Variants in PKD2L2 observed in about 807,000 individuals in gnomAD.
The protein encoded by PKD2L2 is polycystin-2-like protein 2.
A neutral mutation model predicts 83.9 loss-of-function variants in PKD2L2; 67 were observed. The ratio of observed to expected loss-of-function variants is 0.80; its 90% CI spans 0.66 to 0.98. PKD2L2 has a LOEUF of 0.98. Among genes scored for constraint, PKD2L2 ranks in the 50% least tolerant of loss-of-function variants. The pLI, the probability that PKD2L2 is intolerant of heterozygous loss-of-function variation, is 0.00. For missense variants in PKD2L2, 632 were observed against 717.2 expected, an observed-to-expected ratio of 0.88 and a Z score of 1.36; for synonymous variants, 223 against 237.8, an observed-to-expected ratio of 0.94 and a Z score of 0.57.
chr5:137,890,862 C>T (rs1028404057), intron 2 of PKD2L2, among the ~76,000 whole-genome samples: 1 of 152,120 alleles, frequency 6.6e-6, no homozygotes, highest in Non-Finnish European at 1.5e-5. Flanking sequence ...TTTGGCAGTT[C>T]TGTCTTGAGC....
intron 6 of PKD2L2, among the ~76,000 whole-genome samples, chr5:137,907,209 A>G (rs1757440091): frequency 6.6e-6 from 1 of 152,246 alleles, no homozygotes; most frequent in African/African-American, 2.4e-5. Flanking sequence ...AATATCTTAC[A>G]AAGGACATAA....
rs536822593 is a variant in PKD2L2, at chr5:137,902,519, T to C, written c.746+2782T>C. 2.0e-5 allele frequency among the ~76,000 whole-genome samples: 3 copies of C among 152,186 alleles called. No homozygotes were observed. In the East Asian group the frequency reaches 5.8e-4, roughly 29 times the overall value. On this transcript the variant is annotated intron_variant, in intron 5 of 14. Coordinates refer to ENST00000508883, the MANE Select transcript of PKD2L2 (RefSeq NM_001300921.2). ...CCCACTTAGTGAACAGTAAACATAT[T>C]TTCTCTTCCCTATGATTTTTTTTTA...
At chr5:137,920,233 T>A (rs970432468) in intron 8 of PKD2L2, among the ~76,000 whole-genome samples, 5 of 152,032 alleles carry the variant, frequency 3.3e-5, no homozygotes, top group African/African-American at 1.2e-4. Flanking sequence ...AATTTCCTCA[T>A]AAAGAACACA....
At chr5:137,941,900 A>T in intron 14 of PKD2L2, 1 of 1,447,520 alleles carries the variant, frequency 6.9e-7, no homozygotes, top group Non-Finnish European at 9.7e-7. Flanking sequence ...TCAGTTTGTG[A>T]GTTAGAGAAG....
intron 12 of PKD2L2, among the ~76,000 whole-genome samples, chr5:137,928,897 A>AT (rs200294942): frequency 5.9e-5 from 9 of 151,852 alleles, no homozygotes; most frequent in Admixed American, 1.3e-4. Flanking sequence ...TTTAAAACAC[A>AT]TTTTTTTTCA....
intron 5 of PKD2L2, among the ~76,000 whole-genome samples, chr5:137,904,838 G>A (rs1360151977): frequency 5.3e-5 from 8 of 152,158 alleles, no homozygotes; most frequent in Non-Finnish European, 1.2e-4. Context: ...AATGGAATAT[G>A]GAATTGGAGT....
intron 4 of PKD2L2, among the ~76,000 whole-genome samples, chr5:137,897,120 G>T (rs34415996): frequency 0.024 from 3,553 of 150,680 alleles, 72 homozygotes; most frequent in Middle Eastern, 0.049. Flanking sequence ...GTTCAGTGAA[G>T]ATCATAGCTC....
At chr5:137,918,130 T>C (rs1238618358) in intron 8 of PKD2L2, among the ~76,000 whole-genome samples, 1 of 152,222 alleles carries the variant, frequency 6.6e-6, no homozygotes, top group Non-Finnish European at 1.5e-5. Context: ...ATCAGATTCT[T>C]CCCCTTGCCC....
At chr5:137,901,980 GAA>G (rs1207198306) in intron 5 of PKD2L2, among the ~76,000 whole-genome samples, 1 of 151,572 alleles carries the variant, frequency 6.6e-6, no homozygotes, top group Non-Finnish European at 1.5e-5. Context: ...AAGAAATCAT[GAA>G]AGAGATGTGG....
At chr5:137,918,728 A>G (rs756975791) in intron 8 of PKD2L2, among the ~76,000 whole-genome samples, 13 of 152,226 alleles carry the variant, frequency 8.5e-5, no homozygotes, top group Admixed American at 3.3e-4. Flanking sequence ...GCCTTCTTCA[A>G]TAGACTCTAG....
chr5:137,902,714 A>G (rs1757066149), intron 5 of PKD2L2, among the ~76,000 whole-genome samples: 1 of 152,114 alleles, frequency 6.6e-6, no homozygotes, highest in Admixed American at 6.6e-5. Flanking sequence ...CATCAATGAC[A>G]TATAATCACA....
chr5:137,906,270 C>T lies in PKD2L2; in HGVS notation c.811C>T (p.Leu271Phe), dbSNP rs767609547. The change falls in exon 6 of 15, where the codon CTC becomes TTC. Residue 271 changes from leucine to phenylalanine, a missense_variant. By Grantham distance (22) the Leu-to-Phe change is conservative. Around this residue, in one of 3 missense-constraint regions of PKD2L2, gnomAD observed 399 missense variants for 416.9 expected, o/e 0.96. Transcript: ENST00000508883. ...LTSWQFYSVK[L>F]LRYVSYYDYF... ...TTCATGGCAGTTTTACTCTGTGAAG[C>T]TCCTCAGATATGTTAGCTACTATGA... The T allele has an allele frequency of 7.4e-6, 12 of 1,612,374 alleles. No individual in the cohort carries two copies. Among genetic ancestry groups the T allele is most frequent in the Admixed American group, 1.7e-5 (1 of 59,970 alleles).
At chr5:137,890,330 C>T (rs1755850556) in intron 1 of PKD2L2, 151 bp from the exon 2 acceptor site, 1 of 564,234 alleles carries the variant, frequency 1.8e-6, no homozygotes, top group Non-Finnish European at 3.1e-6. Flanking sequence ...ATTATCCCTG[C>T]CTCGTAAAAC....
chr5:137,909,586 C>T (rs1757647042), intron 8 of PKD2L2, among the ~76,000 whole-genome samples: 1 of 144,608 alleles, frequency 6.9e-6, no homozygotes, highest in South Asian at 2.2e-4. Context: ...ACTCTGTCAC[C>T]CAGGCTGGAC....
chr5:137,902,150 A>G (rs1372083096), intron 5 of PKD2L2, among the ~76,000 whole-genome samples: 3 of 152,186 alleles, frequency 2.0e-5, no homozygotes, highest in Non-Finnish European at 4.4e-5. Flanking sequence ...AAACAAATGG[A>G]CATTAGACAT....
chr5:137,910,797 A>AG, intron 8 of PKD2L2, among the ~76,000 whole-genome samples: 1 of 149,940 alleles, frequency 6.7e-6, no homozygotes, highest in South Asian at 2.1e-4. Context: ...AAGAAAAACA[A>AG]AAAAAAAAAG....
intron 14 of PKD2L2, among the ~76,000 whole-genome samples, chr5:137,941,006 C>G (rs1236287686): frequency 6.6e-6 from 1 of 152,264 alleles, no homozygotes; most frequent in East Asian, 1.9e-4. Context: ...CCCGGATTCA[C>G]GCCATTCTCC....
chr5:137,940,019 G>A lies in PKD2L2; in HGVS notation c.*18-2365G>A, dbSNP rs183581373. ...GCTAAAGGTGGAGAGGACAGTCTGT[G>A]GTTAATATGGAACATCACTTACGCT... On this transcript the variant is annotated intron_variant, in intron 14 of 14. Transcript: ENST00000508883. 81 of 1,610,542 alleles carry A rather than the reference G, an allele frequency of 5.0e-5. 1 individual carries two copies. Among genetic ancestry groups the A allele is most frequent in the East Asian group, 4.9e-4 (22 of 44,812 alleles).
Position 137,894,365 on chromosome 5 carries a change from C to A in PKD2L2, c.280C>A (p.Pro94Thr). The A allele has an allele frequency of 1.9e-6, 3 of 1,601,392 alleles. No individual in the cohort carries two copies. Among genetic ancestry groups the A allele is most frequent in the Non-Finnish European group, 2.5e-6 (3 of 1,177,440 alleles). ...ITDFWKFMEG[P>T]LLEGLYWDSW... ...TTTCTCTGTGGAGTTTATGGAAGGA[C>A]CCCTTTTGGAAGGTCTGTACTGGGA... is the stretch of plus-strand genomic sequence containing the variant. The change falls in exon 4 of 15, where the codon CCC becomes ACC. Residue 94 changes from proline to threonine, a missense_variant. By Grantham distance (38) the Pro-to-Thr change is conservative. Around this residue, in one of 3 missense-constraint regions of PKD2L2, gnomAD observed 229 missense variants for 281.5 expected, o/e 0.81. Transcript: ENST00000508883.
Sources: gnomAD v4.1 joint callset for allele counts (sites outside exome capture counted in the v4.1 genomes callset) on GRCh38, gnomAD v4.1.1 for gene constraint, gnomAD v4.1.1 regional missense constraint, MANE v1.5 for transcripts, NCBI Gene and HGNC (gene_info 2026-07-23, HGNC 2026-07-21) for gene names.